SRGN: variants seen among roughly 807,000 people sequenced by gnomAD.
SRGN encodes serglycin, also known as hematopoetic proteoglycan core peptide.
SRGN carries 2 observed loss-of-function variants against 9.5 expected under a neutral mutation model. The observed-to-expected ratio is 0.21, with a 90% CI of 0.09 to 0.66. The LOEUF is 0.66. SRGN is among the 30% of genes least tolerant of loss of function. The pLI is 0.83. For missense variants in SRGN, 170 were observed against 192.4 expected (o/e 0.88, Z 0.69); for synonymous variants, 59 against 72.3 (o/e 0.82, Z 0.93).
intron 2 of SRGN, among the ~76,000 whole-genome samples, chr10:69,098,058 G>A (rs1840214433): frequency 6.6e-6 from 1 of 152,070 alleles, no homozygotes; most frequent in East Asian, 1.9e-4. Flanking sequence ...ATTCACCTAT[G>A]TTTTTGAAAT....
intron 1 of SRGN, among the ~76,000 whole-genome samples, chr10:69,090,812 T>C (rs1030914972): frequency 6.6e-6 from 1 of 152,206 alleles, no homozygotes; most frequent in Non-Finnish European, 1.5e-5. Flanking sequence ...AATTTGGGGA[T>C]GTGTAACTCT....
intron 1 of SRGN, among the ~76,000 whole-genome samples, chr10:69,088,697 CTG>C (rs1488322602): frequency 6.8e-6 from 1 of 147,350 alleles, no homozygotes; most frequent in African/African-American, 2.5e-5. Flanking sequence ...GTGAATCTGA[CTG>C]TGTGTATTTT....
chr10:69,103,224 C>A (rs1840326174), intron 2 of SRGN, among the ~76,000 whole-genome samples: 1 of 151,972 alleles, frequency 6.6e-6, no homozygotes, highest in South Asian at 2.1e-4. Flanking sequence ...CAGACATGAG[C>A]CACCACACCC....
At position 69,095,182 on chromosome 10, in the gene SRGN, C is replaced by T. The variant is rs1041810880; in HGVS notation, c.80-1902C>T. On this transcript the variant is annotated intron_variant, in intron 1 of 2. Transcript: ENST00000242465. ...AATTAGCTGGATATGATTGTGGGCA[C>T]CTGTCATCCCAGCTACTCGGGAGGC... 6.6e-5 allele frequency among the ~76,000 whole-genome samples: 10 copies of T among 151,688 alleles called. No homozygotes were observed. The South Asian group carries it at 1.0e-3, about 16-fold the overall frequency.
chr10:69,100,115 G>C (rs1445128781), intron 2 of SRGN, among the ~76,000 whole-genome samples: 1 of 152,172 alleles, frequency 6.6e-6, no homozygotes, highest in Non-Finnish European at 1.5e-5. Flanking sequence ...GCTATTGAGA[G>C]GCCGAGGCAG....
rs368601243 is a variant in SRGN, at chr10:69,097,267, C to A, written c.227+36C>A. On this transcript the variant is annotated intron_variant, in intron 2 of 2. Coordinates refer to ENST00000242465, the MANE Select transcript of SRGN (RefSeq NM_002727.4). Reference sequence around the variant, plus strand: ...TTTTCTCTAATTAATTAATTAATTACTTATTTATTTGAGACGGAGTTTCAC... The same window carrying A: ...TTTTCTCTAATTAATTAATTAATTAATTATTTATTTGAGACGGAGTTTCAC... The A allele has an allele frequency of 2.1e-4, 317 of 1,519,186 alleles. 3 individuals carry two copies. In the East Asian group the frequency reaches 6.7e-3, roughly 32 times the overall value. The allele number at this position is 1,519,186 out of a possible 1,614,324, so 94.1% of individuals were successfully genotyped here. A position where few individuals can be genotyped will look rare whatever the true frequency, so the allele number is the denominator to read the frequency against.
Position 69,104,182 on chromosome 10 carries a change from A to C in SRGN, c.*62A>C. ...TTAGCATATTTTATGTACCATGGTT[A>C]TATGATTAATCTTGGGACAAAGAAT... On this transcript the variant is annotated 3_prime_UTR_variant, in exon 3 of 3. Coordinates refer to ENST00000242465, the MANE Select transcript of SRGN (RefSeq NM_002727.4). The C allele has an allele frequency of 6.5e-7, 1 of 1,544,962 alleles. No homozygotes were observed. Among genetic ancestry groups the C allele is most frequent in the Non-Finnish European group, 8.7e-7 (1 of 1,142,876 alleles).
At chr10:69,092,775 C>A (rs1207651741) in intron 1 of SRGN, among the ~76,000 whole-genome samples, 3 of 129,454 alleles carry the variant, frequency 2.3e-5, no homozygotes, top group Non-Finnish European at 4.7e-5. Context: ...GCCTGGATGA[C>A]GGAGCAAGAC....
At chr10:69,092,288 C>A (rs934310956) in intron 1 of SRGN, among the ~76,000 whole-genome samples, 8 of 152,194 alleles carry the variant, frequency 5.3e-5, no homozygotes, top group Non-Finnish European at 1.0e-4. Flanking sequence ...TGTAAATTTT[C>A]ACATCCTGCC....
At chr10:69,088,378 C>A (rs1273036379) in intron 1 of SRGN, 142 bp downstream of exon 1, 7 of 678,698 alleles carry the variant, frequency 1.0e-5, no homozygotes, top group Non-Finnish European at 1.7e-5. Flanking sequence ...GTCGCTGAAC[C>A]CTTTAATATG....
At chr10:69,098,334 A>G (rs1359171349) in intron 2 of SRGN, among the ~76,000 whole-genome samples, 1 of 152,268 alleles carries the variant, frequency 6.6e-6, no homozygotes, top group Non-Finnish European at 1.5e-5. Context: ...CAAAAGCCAC[A>G]TATTGTATGA....
At chr10:69,103,433 C>T (rs1746542182) in intron 2 of SRGN, among the ~76,000 whole-genome samples, 1 of 151,860 alleles carries the variant, frequency 6.6e-6, no homozygotes, top group Non-Finnish European at 1.5e-5. Flanking sequence ...GTCCCAGCTA[C>T]TCGGGAGGCT....
intron 2 of SRGN, among the ~76,000 whole-genome samples, chr10:69,100,101 C>T (rs1350591576): frequency 6.6e-6 from 1 of 152,188 alleles, no homozygotes. Flanking sequence ...CGCCTGTAAT[C>T]CCAGCTATTG....
In SRGN at chr10:69,088,200, C is replaced by G. The variant is rs757773552; in HGVS notation, c.43C>G (p.Leu15Val). ...CAAATGCAGTCGGCTTGTCCTGGCT[C>G]TTGCCCTCATCCTGGTTCTGGAATC... ...LLKCSRLVLA[L>V]ALILVLESSV... The change falls in exon 1 of 3, where the codon CTT becomes GTT. Residue 15 changes from leucine to valine, a missense_variant. Transcript: ENST00000242465. 12 of 1,614,074 alleles carry G rather than the reference C, an allele frequency of 7.4e-6. No homozygotes were observed. The highest frequency in any genetic ancestry group is 1.0e-5 in the Non-Finnish European group (12 of 1,180,048).
intron 2 of SRGN, among the ~76,000 whole-genome samples, chr10:69,098,023 C>T (rs571208486): frequency 6.6e-6 from 1 of 152,260 alleles, no homozygotes; most frequent in Non-Finnish European, 1.5e-5. Flanking sequence ...TATATACTGG[C>T]ATATGACATG....
At chr10:69,096,814 A>T (rs998544570) in intron 1 of SRGN, among the ~76,000 whole-genome samples, 2 of 151,982 alleles carry the variant, frequency 1.3e-5, no homozygotes, top group African/African-American at 4.8e-5. Flanking sequence ...CATCTCTCCA[A>T]AAAACAAACA....
At chr10:69,092,943 G>A (rs1161449869) in intron 1 of SRGN, among the ~76,000 whole-genome samples, 2 of 152,150 alleles carry the variant, frequency 1.3e-5, no homozygotes, top group African/African-American at 4.8e-5. Context: ...CTGAACTCTG[G>A]GGGAATTTTG....
intron 2 of SRGN, 32 bp downstream of exon 2, chr10:69,097,263 A>G (rs372155189): frequency 3.7e-5 from 58 of 1,561,790 alleles, no homozygotes; most frequent in Non-Finnish European, 4.6e-5. Context: ...TAATTAATTA[A>G]TTACTTATTT....
chr10:69,092,794 C>CAAAA, intron 1 of SRGN, among the ~76,000 whole-genome samples: 1 of 118,068 alleles, frequency 8.5e-6, no homozygotes, highest in Non-Finnish European at 1.7e-5. Flanking sequence ...ACTCTGTCTC[C>CAAAA]AAAAAAAAAA....
Sources: allele counts gnomAD v4.1 joint callset (sites outside exome capture counted in the v4.1 genomes callset), GRCh38; gene constraint gnomAD v4.1.1; transcripts MANE v1.5; gene names NCBI Gene and HGNC (gene_info 2026-07-23, HGNC 2026-07-21).